NUP98: variants seen among roughly 807,000 people sequenced by gnomAD.
NUP98 encodes the protein nuclear pore complex protein Nup98-Nup96.
A neutral mutation model predicts 191.9 loss-of-function variants in NUP98; 26 were observed. The ratio of observed to expected loss-of-function variants is 0.14; its 90% confidence interval spans 0.10 to 0.19. The LOEUF is 0.19. NUP98 is among the 10% of genes least tolerant of loss of function. The pLI is 1.00. For synonymous variants in NUP98, 808 were observed against 778.4 expected, an observed-to-expected ratio of 1.04 and a Z score of -0.63; for missense variants, 1,941 against 2,178.8, an observed-to-expected ratio of 0.89 and a Z score of 2.17.
chr11:3,720,856 A>C, intron 16 of NUP98, 31 bp from the exon 17 acceptor site: 2 of 906,742 alleles, frequency 2.2e-6, no homozygotes, highest in Non-Finnish European at 1.8e-6. Flanking sequence ...AAAACAGAAA[A>C]AAAAATAACC....
chr11:3,773,526 C>A, intron 6 of NUP98, 106 bp downstream of exon 6: 3 of 585,984 alleles, frequency 5.1e-6, no homozygotes, highest in Non-Finnish European at 8.4e-6. Context: ...TTACATAAAC[C>A]CAAACTGAAC....
chr11:3,700,040 G>A (rs1177398492), intron 24 of NUP98, among the ~76,000 whole-genome samples: 3 of 152,140 alleles, frequency 2.0e-5, no homozygotes, highest in Admixed American at 2.0e-4. Flanking sequence ...AGCTGGATAT[G>A]GAAGAATGGA....
intron 6 of NUP98, among the ~76,000 whole-genome samples, chr11:3,773,344 G>A (rs1223714628): frequency 1.3e-5 from 2 of 151,586 alleles, no homozygotes; most frequent in South Asian, 2.1e-4. Flanking sequence ...GCAGTGAGCT[G>A]TGATTGTGTC....
intron 23 of NUP98, among the ~76,000 whole-genome samples, chr11:3,701,548 C>A (rs190014061): frequency 1.3e-5 from 2 of 151,758 alleles, no homozygotes; most frequent in East Asian, 3.9e-4. Flanking sequence ...CGTACCCGGC[C>A]CCTTGATCTA....
chr11:3,699,161 T>C lies in NUP98; in HGVS notation c.3930A>G (p.Lys1310=), dbSNP rs117926101. ...TGAATACAGCCTCCACAGGGCTGTTTTTTTGGGTTAAGGAGACTTCCTCTT... is the reference window on the plus strand; with the variant it reads ...TGAATACAGCCTCCACAGGGCTGTTCTTTTGGGTTAAGGAGACTTCCTCTT... The part of the protein sequence containing the change: ...QIEEEVSLTQ[K]NSPVEAVFSY... The change falls in exon 25 of 33, where the codon AAA becomes AAG. Residue 1310 remains lysine, a synonymous_variant. Coordinates refer to ENST00000324932, the MANE Select transcript of NUP98 (RefSeq NM_016320.5). The C allele has an allele frequency of 6.8e-4, 1,095 of 1,614,030 alleles. No individual in the cohort carries two copies. The highest frequency in any genetic ancestry group is 8.3e-4 in the Non-Finnish European group (981 of 1,180,016).
Position 3,713,843 on chromosome 11 carries a change from G to C in NUP98, c.2552C>G (p.Pro851Arg). ...CTTAAACACCCAAGAACCAGTTTCA[G>C]GCCGGTATTCTTTGAATTGAGCTCC... ...KQGAQFKEYR[P>R]ETGSWVFKVS... Residue 851 changes from proline (P) to arginine (R), a missense_variant, in exon 19 of 33, where the codon CCT becomes CGT. Coordinates refer to ENST00000324932, the MANE Select transcript of NUP98 (RefSeq NM_016320.5). The C allele has an allele frequency of 6.2e-7, 1 of 1,614,056 alleles. No individual in the cohort carries two copies. The highest frequency in any genetic ancestry group is 8.5e-7 in the Non-Finnish European group (1 of 1,179,988).
At chr11:3,696,971 C>CT (rs1280460128) in intron 25 of NUP98, 1 of 152,136 alleles carries the variant, frequency 6.6e-6, no homozygotes, top group Non-Finnish European at 1.5e-5. Flanking sequence ...CCCTAAGAAT[C>CT]TGACTCTGGC....
At position 3,706,503 on chromosome 11, in the gene NUP98, G is replaced by A; in HGVS notation, c.2867C>T (p.Pro956Leu). The A allele has an allele frequency of 6.2e-7, 1 of 1,614,114 alleles. No individual in the cohort carries two copies. The highest frequency in any genetic ancestry group is 1.1e-5 in the South Asian group (1 of 91,080). Residue 956 changes from proline (P) to leucine (L), a missense_variant, in exon 21 of 33, where the codon CCT becomes CTT. Pro to Leu is a moderately conservative substitution (Grantham distance 98). Around this residue, in one of 6 missense-constraint regions of NUP98, gnomAD observed 1,030 missense variants for 1,115.8 expected, o/e 0.92. Coordinates refer to ENST00000324932, the MANE Select transcript of NUP98 (RefSeq NM_016320.5). ...LEESMPEDQE[P>L]VSASTHIASS... Reference sequence around the variant, plus strand: ...TGCAATATGTGTTGAGGCAGACACAGGTTCCTGATCCTCAGGCATGCTCTC... The same window carrying A: ...TGCAATATGTGTTGAGGCAGACACAAGTTCCTGATCCTCAGGCATGCTCTC...
Position 3,723,369 on chromosome 11 carries a change from G to C in NUP98, c.1934C>G (p.Pro645Arg). 6.2e-7 allele frequency: 1 copy of C among 1,614,012 alleles called. No individual in the cohort carries two copies. Among genetic ancestry groups the C allele is most frequent in the Non-Finnish European group, 8.5e-7 (1 of 1,179,946 alleles). The change falls in exon 16 of 33, where the codon CCT becomes CGT. Residue 645 changes from proline (P) to arginine (R), a missense_variant. Physicochemically the swap from Pro to Arg is moderately radical, Grantham distance 103 (BLOSUM62 -2). Around this residue, in one of 6 missense-constraint regions of NUP98, gnomAD observed 453 missense variants for 438.2 expected, o/e 1.03. Transcript: ENST00000324932. Reference protein sequence around the residue: ...DSLVSHFYTNPIAKPIPQTPE... With the variant: ...DSLVSHFYTNRIAKPIPQTPE... ...GGTTTGAGGAATAGGTTTGGCAATA[G>C]GGTTAGTATAAAAATGTGAAACAAG...
At chr11:3,689,940 ATTTTTTTTTTTTTT>A (rs989043726) in intron 28 of NUP98, among the ~76,000 whole-genome samples, 3 of 73,574 alleles carry the variant, frequency 4.1e-5, no homozygotes, top group African/African-American at 1.2e-4. Context: ...GCTGGCCTGC[ATTTTTTTTTTTTTT>A]TTTTTTTTTT....
intron 15 of NUP98, among the ~76,000 whole-genome samples, chr11:3,724,061 T>C (rs2079516074): frequency 6.6e-6 from 1 of 151,898 alleles, no homozygotes; most frequent in Non-Finnish European, 1.5e-5. Context: ...GCATTTCTAA[T>C]AAAATAAATG....
rs776586304 is a variant in NUP98 at position 3,702,510 on chromosome 11, G to A, written c.3465C>T (p.Ala1155=). ...GCAGGAATCCAAACTCCATGGAATC[G>A]GCAATCTGATGATTTTCTAGTTCAT... ...GSHELENHQI[A]DSMEFGFLPN... is the part of the protein sequence containing the mutation. The change falls in exon 23 of 33, where the codon GCC becomes GCT. Residue 1155 remains alanine (A), a synonymous_variant. Coordinates refer to ENST00000324932, the MANE Select transcript of NUP98 (RefSeq NM_016320.5). 44 of 1,613,804 alleles carry A rather than the reference G, an allele frequency of 2.7e-5. No homozygotes were observed. The highest frequency in any genetic ancestry group is 3.0e-5 in the Non-Finnish European group (35 of 1,179,994).
chr11:3,690,031 A>C (rs1291547774), intron 28 of NUP98, among the ~76,000 whole-genome samples: 1 of 145,758 alleles, frequency 6.9e-6, no homozygotes, highest in African/African-American at 2.6e-5. Flanking sequence ...GGCTCACTGC[A>C]ACCTCCAACT....
chr11:3,743,489 A>C (rs2080364455), intron 12 of NUP98, among the ~76,000 whole-genome samples: 1 of 147,508 alleles, frequency 6.8e-6, no homozygotes, highest in Non-Finnish European at 1.5e-5. Flanking sequence ...TACTGAAAAT[A>C]CAAAAAAATT....
rs528086297 is a variant in NUP98 at position 3,703,644 on chromosome 11, G to C, written c.3083-752C>G. ...AGGAGACAAGCCAAGGTTAAGTCTG[G>C]CACCACTCCTCATGCCCTTATCAGA... On this transcript the variant is annotated intron_variant, in intron 22 of 32. Coordinates refer to ENST00000324932, the MANE Select transcript of NUP98 (RefSeq NM_016320.5). 5.3e-5 allele frequency among the ~76,000 whole-genome samples: 8 copies of C among 152,166 alleles called. No homozygotes were observed. In the South Asian group the frequency reaches 1.7e-3, roughly 32 times the overall value.
chr11:3,780,541 C>CAAAAAAAAAAAAAA (rs142060672), intron 2 of NUP98, among the ~76,000 whole-genome samples: 3 of 74,794 alleles, frequency 4.0e-5, no homozygotes, highest in African/African-American at 5.1e-5. Context: ...GACTCCATCT[C>CAAAAAAAAAAAAAA]AAAAAAAAAA....
chr11:3,742,738 G>A (rs1370434901), intron 12 of NUP98, among the ~76,000 whole-genome samples: 1 of 150,704 alleles, frequency 6.6e-6, no homozygotes, highest in Non-Finnish European at 1.5e-5. Flanking sequence ...AAGAAATAAG[G>A]GTAATAAAAA....
intron 10 of NUP98, among the ~76,000 whole-genome samples, chr11:3,753,714 A>T (rs2134446921): frequency 7.0e-6 from 1 of 142,910 alleles, no homozygotes; most frequent in Non-Finnish European, 1.5e-5. Context: ...AGTTCAAAAC[A>T]AGCCTGGCCA....
At position 3,676,364 on chromosome 11, in the gene NUP98, C is replaced by T. The variant is rs143602983; in HGVS notation, c.5198G>A (p.Arg1733His). 3.4e-4 allele frequency: 551 copies of T among 1,613,878 alleles called. 6 individuals are homozygous for T. In the East Asian group the frequency reaches 9.5e-3, roughly 28 times the overall value. The part of the protein sequence containing the change: ...DRLAQSDMAK[R>H]VANLLRVVLS... ...CACCACGCGCAGCAGGTTGGCTACA[C>T]GTTTGGCCATGTCTAGAGAGAAAAA... The change falls in exon 33 of 33, where the codon CGT (arginine) becomes CAT (histidine). Residue 1733 changes from arginine to histidine, a missense_variant. Physicochemically the swap from Arg to His is conservative, Grantham distance 29 (BLOSUM62 0). Around this residue, in one of 6 missense-constraint regions of NUP98, gnomAD observed 1,030 missense variants for 1,115.8 expected, o/e 0.92. Transcript: ENST00000324932.
Sources: gnomAD v4.1 joint callset for allele counts (sites outside exome capture counted in the v4.1 genomes callset) on GRCh38, gnomAD v4.1.1 for gene constraint, gnomAD v4.1.1 regional missense constraint, MANE v1.5 for transcripts, NCBI Gene and HGNC (gene_info 2026-07-23, HGNC 2026-07-21) for gene names.